C5orf15: variants seen among roughly 807,000 people sequenced by gnomAD.
C5orf15 encodes the protein chromosome 5 open reading frame 15.
In C5orf15, 10 loss-of-function variants were observed where a neutral mutation model predicts 17.8. That is an observed-to-expected ratio of 0.56 (90% CI 0.35 to 0.95). The LOEUF (loss-of-function observed/expected upper bound fraction) is 0.95, where lower values mean the gene tolerates loss of function less well. Among genes scored for constraint, C5orf15 ranks in the 40% least tolerant of loss-of-function variants. The probability of loss-of-function intolerance (pLI) is 0.02; values close to 1 mark genes in which losing one functional copy is unlikely to be tolerated. For missense variants in C5orf15, 319 were observed against 331.7 expected (o/e 0.96, Z 0.30); for synonymous variants, 124 against 131.0 (o/e 0.95, Z 0.36).
chr5:133,956,222 T>C lies in C5orf15; in HGVS notation c.*637A>G, dbSNP rs1752040808. Reference sequence around the variant, plus strand: ...AATATAGTAATTCCAACCAAAAAAATAGTATCTCTGTAACATTTTATCTAT... The same window carrying C: ...AATATAGTAATTCCAACCAAAAAAACAGTATCTCTGTAACATTTTATCTAT... On this transcript the variant is annotated 3_prime_UTR_variant, in exon 3 of 3. Coordinates refer to ENST00000231512, the MANE Select transcript of C5orf15 (RefSeq NM_020199.3). 1.3e-5 allele frequency: 2 copies of C among 152,640 alleles called. No individual in the cohort carries two copies. Among genetic ancestry groups the C allele is most frequent in the Admixed American group, 1.3e-4 (2 of 15,276 alleles). The allele number at this position is 152,640 out of a possible 1,614,324, so 9.5% of individuals were successfully genotyped here.
chr5:133,960,201 T>C (rs3733946), intron 1 of C5orf15, among the ~76,000 whole-genome samples, 181 bp from the exon 2 acceptor site: 33,522 of 152,124 alleles, frequency 0.22, 4,363 homozygotes, highest in Non-Finnish European at 0.28. Flanking sequence ...AGTCAGTTAT[T>C]CTTCAGATAA....
At chr5:133,958,225 A>T (rs1412653886) in intron 2 of C5orf15, among the ~76,000 whole-genome samples, 1 of 151,994 alleles carries the variant, frequency 6.6e-6, no homozygotes, top group African/African-American at 2.4e-5. Context: ...AAAAAAAAAT[A>T]ATGTTTTTAA....
At chr5:133,961,162 A>G (rs905927969) in intron 1 of C5orf15, among the ~76,000 whole-genome samples, 7 of 149,310 alleles carry the variant, frequency 4.7e-5, no homozygotes, top group Admixed American at 6.7e-5. Context: ...TTTTGTGTAG[A>G]AAAAAAAAGA....
intron 1 of C5orf15, among the ~76,000 whole-genome samples, chr5:133,961,896 C>T (rs13174732): frequency 0.02 from 3,035 of 151,876 alleles, 43 homozygotes; most frequent in Non-Finnish European, 0.029. Flanking sequence ...ACTCTTAAAA[C>T]ATTTTCAATA....
chr5:133,960,355 T>C (rs1346670224), intron 1 of C5orf15, among the ~76,000 whole-genome samples: 2 of 152,190 alleles, frequency 1.3e-5, no homozygotes, highest in African/African-American at 4.8e-5. Context: ...TCCCCTCTGT[T>C]TTCATTTCAT....
chr5:133,966,018 A>T (rs1752186961), intron 1 of C5orf15, among the ~76,000 whole-genome samples: 1 of 152,092 alleles, frequency 6.6e-6, no homozygotes, highest in Non-Finnish European at 1.5e-5. Flanking sequence ...AGGTCAGGAG[A>T]TTGAGACCAT....
intron 2 of C5orf15, among the ~76,000 whole-genome samples, 185 bp downstream of exon 2, chr5:133,959,309 A>C (rs1752083205): frequency 6.7e-6 from 1 of 149,442 alleles, no homozygotes; most frequent in Admixed American, 6.8e-5. Flanking sequence ...CAAGAGAATC[A>C]CTTAAGCCTA....
At chr5:133,968,025 C>A (rs1001577982) in intron 1 of C5orf15, among the ~76,000 whole-genome samples, 1 of 152,104 alleles carries the variant, frequency 6.6e-6, no homozygotes, top group Non-Finnish European at 1.5e-5. Context: ...ACCACACCCC[C>A]AGCCCCGGCC....
rs755153221 is a variant in C5orf15 at position 133,956,911 on chromosome 5, T to C, written c.746A>G (p.Asn249Ser). The change falls in exon 3 of 3, where the codon AAT becomes AGT. Residue 249 changes from asparagine to serine, a missense_variant. Coordinates refer to ENST00000231512, the MANE Select transcript of C5orf15 (RefSeq NM_020199.3). ...CAAAGAAGGCATTGCCTCATTAACATTCTGATCTAGGCGATGGTATTCCAC... is the reference window on the plus strand; with the variant it reads ...CAAAGAAGGCATTGCCTCATTAACACTCTGATCTAGGCGATGGTATTCCAC... The part of the protein sequence containing the change: ...KTVEYHRLDQ[N>S]VNEAMPSLKI... 6.2e-7 allele frequency: 1 copy of C among 1,609,926 alleles called. No homozygotes were observed. Among genetic ancestry groups the C allele is most frequent in the Admixed American group, 1.7e-5 (1 of 59,488 alleles).
At chr5:133,959,101 C>T (rs567871916) in intron 2 of C5orf15, among the ~76,000 whole-genome samples, 25 of 152,222 alleles carry the variant, frequency 1.6e-4, no homozygotes, top group Non-Finnish European at 2.9e-4. Context: ...CATGGTGGCT[C>T]ATGTCTGTAA....
At position 133,968,593 on chromosome 5, in the gene C5orf15, C is replaced by T. The variant is rs764381992; in HGVS notation, c.-9G>A. ...GGGACGGCAGCGGCCATAACGGACTCGGCTGGGAGCCTGCGCTGTTGCTAG... is the reference window on the plus strand; with the variant it reads ...GGGACGGCAGCGGCCATAACGGACTTGGCTGGGAGCCTGCGCTGTTGCTAG... On this transcript the variant is annotated 5_prime_UTR_variant, in exon 1 of 3. Transcript: ENST00000231512. 4 of 1,602,082 alleles carry T rather than the reference C, an allele frequency of 2.5e-6. No homozygotes were observed. Among genetic ancestry groups the T allele is most frequent in the African/African-American group, 1.3e-5 (1 of 74,800 alleles).
intron 1 of C5orf15, among the ~76,000 whole-genome samples, chr5:133,960,941 A>T (rs1752113754): frequency 6.6e-6 from 1 of 151,868 alleles, no homozygotes; most frequent in Non-Finnish European, 1.5e-5. Context: ...AAAAAAATAA[A>T]AAAAAAAAAC....
intron 1 of C5orf15, 80 bp downstream of exon 1, chr5:133,968,366 T>G: frequency 6.5e-7 from 1 of 1,534,586 alleles, no homozygotes; most frequent in Non-Finnish European, 8.8e-7. Context: ...GGAAGCGCCC[T>G]TTCCCTGGCC....
Position 133,959,772 on chromosome 5 carries a change from G to C in C5orf15, c.388C>G (p.Leu130Val). ...GTGGATGGAGAACTGTTCAGCATGAGAAGATCCTCCTCCTCTATACTAGGA... is the reference window on the plus strand; with the variant it reads ...GTGGATGGAGAACTGTTCAGCATGACAAGATCCTCCTCCTCTATACTAGGA... ...EDPSIEEEDLLMLNSSPSTAK... is the reference protein window; with the variant it reads ...EDPSIEEEDLVMLNSSPSTAK... Residue 130 changes from leucine to valine, a missense_variant, in exon 2 of 3, where the codon CTC becomes GTC. Coordinates refer to ENST00000231512, the MANE Select transcript of C5orf15 (RefSeq NM_020199.3). The C allele has an allele frequency of 6.2e-7, 1 of 1,614,168 alleles. No individual in the cohort carries two copies. The highest frequency in any genetic ancestry group is 8.5e-7 in the Non-Finnish European group (1 of 1,180,032).
At chr5:133,967,324 T>G (rs1298670101) in intron 1 of C5orf15, 3 of 152,322 alleles carry the variant, frequency 2.0e-5, no homozygotes, top group Middle Eastern at 3.4e-3. Flanking sequence ...AACATAAGTA[T>G]GTACCCACAG....
intron 2 of C5orf15, among the ~76,000 whole-genome samples, chr5:133,958,576 CAAAAAAAAAAAAA>C (rs71581378): frequency 3.7e-4 from 12 of 32,002 alleles, no homozygotes; most frequent in African/African-American, 7.9e-4. Flanking sequence ...AGCTCTGTCT[CAAAAAAAAAAAAA>C]AAAAAAAAAA....
At chr5:133,960,086 T>G in intron 1 of C5orf15, 66 bp from the exon 2 acceptor site, 1 of 1,422,914 alleles carries the variant, frequency 7.0e-7, no homozygotes, top group East Asian at 2.3e-5. Context: ...AAAAGCATAT[T>G]TACCCAAATT....
In C5orf15 at chr5:133,959,962, T is replaced by C. The variant is rs139982684; in HGVS notation, c.198A>G (p.Pro66=). The C allele has an allele frequency of 9.9e-6, 16 of 1,614,134 alleles. No homozygotes were observed. The East Asian group carries it at 3.6e-4, about 36-fold the overall frequency. ...PTVLNSHIST[P]NVNALTHENQ... ...TTTCATGTGTTAAAGCATTCACATT[T>C]GGGGTAGAAATATGTGAGTTGAGTA... Residue 66 remains proline (P), a synonymous_variant, in exon 2 of 3, where the codon CCA becomes CCG. Coordinates refer to ENST00000231512, the MANE Select transcript of C5orf15 (RefSeq NM_020199.3).
At chr5:133,960,312 A>G (rs1752105469) in intron 1 of C5orf15, among the ~76,000 whole-genome samples, 1 of 152,218 alleles carries the variant, frequency 6.6e-6, no homozygotes, top group Non-Finnish European at 1.5e-5. Context: ...ACTTTAAGTC[A>G]CGATGGCAAA....
Sources: gnomAD v4.1 joint callset for allele counts (sites outside exome capture counted in the v4.1 genomes callset) on GRCh38, gnomAD v4.1.1 for gene constraint, MANE v1.5 for transcripts, NCBI Gene and HGNC (gene_info 2026-07-23, HGNC 2026-07-21) for gene names.